Variants in MAST4 observed in about 807,000 individuals in gnomAD.
MAST4 encodes microtubule associated serine/threonine kinase family member 4, also known as microtubule-associated serine/threonine-protein kinase 4.
Under a neutral mutation model 162.7 loss-of-function variants are expected in MAST4, and 89 were observed. The ratio of observed to expected loss-of-function variants is 0.55; its 90% confidence interval spans 0.46 to 0.65. The LOEUF is 0.65. Among genes scored for constraint, MAST4 ranks in the 30% least tolerant of loss-of-function variants. The probability of loss-of-function intolerance (pLI) is 0.00; values close to 1 mark genes in which losing one functional copy is unlikely to be tolerated. For missense variants in MAST4, 3,153 were observed against 3,374.0 expected, an observed-to-expected ratio of 0.93 and a Z score of 1.62; for synonymous variants, 1,479 against 1,361.1, an observed-to-expected ratio of 1.09 and a Z score of -1.91.
intron 1 of MAST4, among the ~76,000 whole-genome samples, chr5:66,737,003 C>G (rs1205771881): frequency 6.6e-6 from 1 of 152,214 alleles, no homozygotes; most frequent in Admixed American, 6.5e-5. Flanking sequence ...ATTTGTATAA[C>G]ATATGCATAT....
intron 4 of MAST4, among the ~76,000 whole-genome samples, chr5:66,915,836 G>T (rs1334502619): frequency 6.6e-6 from 1 of 152,176 alleles, no homozygotes; most frequent in East Asian, 1.9e-4. Context: ...GTGTCCGCCT[G>T]AGGTTTCCAG....
chr5:66,881,539 A>G (rs530081231), intron 3 of MAST4, among the ~76,000 whole-genome samples: 3 of 152,302 alleles, frequency 2.0e-5, no homozygotes, highest in South Asian at 2.1e-4. Context: ...CACCTCTCCT[A>G]TCCTTATGGG....
Position 66,960,035 on chromosome 5 carries a change from G to A in MAST4, c.674+60053G>A, listed in dbSNP as rs564019440. The stretch of plus-strand genomic sequence containing the variant: ...AGATGCAGAAGCTGTGAGTTAGTCT[G>A]TGCTGTCACACTTAAAATAATAAAC... On this transcript the variant is annotated intron_variant, in intron 4 of 28. Transcript: ENST00000403625. Among the ~76,000 whole-genome samples the A allele has an allele frequency of 3.3e-5, 5 of 152,308 alleles. No individual in the cohort carries two copies. The East Asian group carries it at 5.8e-4, about 18-fold the overall frequency.
At chr5:66,922,549 T>C (rs912417482) in intron 4 of MAST4, among the ~76,000 whole-genome samples, 8 of 152,190 alleles carry the variant, frequency 5.3e-5, no homozygotes, top group African/African-American at 1.9e-4. Flanking sequence ...TTTTCTGCTG[T>C]CATTTCTGCT....
rs114588298 is a variant in MAST4 at position 66,631,570 on chromosome 5, C to T, written c.363+34552C>T. Among the ~76,000 whole-genome samples, 641 of 152,096 alleles carry T rather than the reference C, an allele frequency of 4.2e-3. 4 individuals are homozygous for T. The highest frequency in any genetic ancestry group is 0.014 in the African/African-American group (579 of 41,490). ...GAATCATTACGTAATGCCTTTTGTG[C>T]GCTAGGTAATACTTTGTGTGTACAA... On this transcript the variant is annotated intron_variant, in intron 1 of 28. Transcript: ENST00000403625.
intron 4 of MAST4, among the ~76,000 whole-genome samples, chr5:66,903,499 T>C (rs1037079577): frequency 6.6e-6 from 1 of 151,666 alleles, no homozygotes; most frequent in Non-Finnish European, 1.5e-5. Flanking sequence ...ATAATGAAGA[T>C]TGCTCCAAAT....
At chr5:66,692,135 ACTCT>A (rs1206820085) in intron 1 of MAST4, among the ~76,000 whole-genome samples, 8 of 151,760 alleles carry the variant, frequency 5.3e-5, no homozygotes, top group African/African-American at 9.7e-5. Flanking sequence ...GCGTTTTTGC[ACTCT>A]CTCTCACACT....
chr5:66,862,450 T>G (rs1036093552), intron 3 of MAST4, among the ~76,000 whole-genome samples: 2 of 152,242 alleles, frequency 1.3e-5, no homozygotes, highest in African/African-American at 4.8e-5. Flanking sequence ...AGCCATAAAC[T>G]TATTGTCTAT....
chr5:67,156,061 G>GAAAA (rs535974856), intron 26 of MAST4, among the ~76,000 whole-genome samples: 1 of 83,692 alleles, frequency 1.2e-5, no homozygotes. Context: ...TCCGTCTCAA[G>GAAAA]AAAAAAAAAA....
intron 1 of MAST4, among the ~76,000 whole-genome samples, chr5:66,756,644 A>G (rs1448748429): frequency 1.3e-5 from 2 of 152,254 alleles, no homozygotes; most frequent in African/African-American, 4.8e-5. Flanking sequence ...AGGGATCATG[A>G]GTATTTGACT....
chr5:66,836,314 A>G (rs558133145), intron 3 of MAST4, among the ~76,000 whole-genome samples: 13 of 152,350 alleles, frequency 8.5e-5, no homozygotes, highest in South Asian at 2.1e-4. Context: ...GGTGAGGTGC[A>G]GAGAAAAGGC....
chr5:66,633,455 T>A (rs576082644), intron 1 of MAST4, among the ~76,000 whole-genome samples: 1 of 152,318 alleles, frequency 6.6e-6, no homozygotes, highest in East Asian at 1.9e-4. Flanking sequence ...GTAAGAGTTA[T>A]GGAGACTGGT....
intron 4 of MAST4, among the ~76,000 whole-genome samples, chr5:67,019,193 C>T (rs1379130798): frequency 6.6e-6 from 1 of 152,134 alleles, no homozygotes; most frequent in Non-Finnish European, 1.5e-5. Context: ...ATGGTAAATC[C>T]TGGGGCACAT....
At chr5:67,104,808 AC>A (rs1581575999) in intron 10 of MAST4, among the ~76,000 whole-genome samples, 2 of 152,194 alleles carry the variant, frequency 1.3e-5, no homozygotes, top group East Asian at 3.8e-4. Flanking sequence ...TTAGGACCCA[AC>A]AATCTATGAC....
In MAST4 at chr5:66,859,282, A is replaced by C. The variant is rs183561692; in HGVS notation, c.643-40669A>C. On this transcript the variant is annotated intron_variant, in intron 3 of 28. Coordinates refer to ENST00000403625, the MANE Select transcript of MAST4 (RefSeq NM_001164664.2). ...TTCTGTGATCTGTTAGACATACATT[A>C]AGATTTCTTATTCTGTCCTCTCTGT... Among the ~76,000 whole-genome samples the C allele has an allele frequency of 2.6e-5, 4 of 152,268 alleles. No homozygotes were observed. In the East Asian group the frequency reaches 7.7e-4, roughly 29 times the overall value.
intron 1 of MAST4, among the ~76,000 whole-genome samples, chr5:66,634,840 A>C (rs1745003075): frequency 6.6e-6 from 1 of 152,168 alleles, no homozygotes; most frequent in African/African-American, 2.4e-5. Context: ...TGTGCGGCCC[A>C]ACCAGGCCCA....
intron 2 of MAST4, among the ~76,000 whole-genome samples, chr5:66,761,637 A>C (rs1022492423): frequency 1.3e-5 from 2 of 151,602 alleles, no homozygotes; most frequent in Non-Finnish European, 2.9e-5. Context: ...TGCTACTGCC[A>C]CATGATTAGT....
At chr5:66,637,241 C>A (rs951499686) in intron 1 of MAST4, among the ~76,000 whole-genome samples, 1 of 145,644 alleles carries the variant, frequency 6.9e-6, no homozygotes, top group Admixed American at 6.9e-5. Flanking sequence ...TATTTCCATT[C>A]TTTTTTTTTT....
intron 1 of MAST4, among the ~76,000 whole-genome samples, chr5:66,628,340 CTTTTTTT>C (rs34307265): frequency 3.6e-4 from 49 of 136,202 alleles, no homozygotes; most frequent in African/African-American, 1.1e-3. Flanking sequence ...GACTTTTTTT[CTTTTTTT>C]TTTTTTTTTA....
Sources: allele counts gnomAD v4.1 joint callset (sites outside exome capture counted in the v4.1 genomes callset), GRCh38; gene constraint gnomAD v4.1.1; transcripts MANE v1.5; gene names NCBI Gene and HGNC (gene_info 2026-07-23, HGNC 2026-07-21).